Variants in GLT1D1 observed in about 807,000 individuals in gnomAD.
The protein encoded by GLT1D1 is glycosyltransferase 1 domain containing 1.
In GLT1D1, 21 loss-of-function variants were observed where a neutral mutation model predicts 28.7. That is an observed-to-expected ratio of 0.73 (90% CI 0.52 to 1.05). The LOEUF (loss-of-function observed/expected upper bound fraction) is 1.05. GLT1D1 is among the 50% of genes least tolerant of loss of function. GLT1D1 has a pLI of 0.00. For synonymous variants in GLT1D1, 147 were observed against 124.8 expected (o/e 1.18, Z -1.19); for missense variants, 343 against 330.6 (o/e 1.04, Z -0.29).
intron 6 of GLT1D1, among the ~76,000 whole-genome samples, chr12:128,956,606 T>C (rs1351043130): frequency 6.6e-6 from 1 of 152,164 alleles, no homozygotes; most frequent in Non-Finnish European, 1.5e-5. Flanking sequence ...CTTATTACAC[T>C]GGGGGTTACA....
At chr12:128,897,795 A>C (rs1432541669) in intron 3 of GLT1D1, among the ~76,000 whole-genome samples, 21 of 151,910 alleles carry the variant, frequency 1.4e-4, no homozygotes, top group Admixed American at 1.4e-3. Flanking sequence ...CAGCCTCCCG[A>C]GTAGCTGGGA....
chr12:128,945,133 G>A lies in GLT1D1; in HGVS notation c.376-193G>A, dbSNP rs565202025. 64 of 733,466 alleles carry A rather than the reference G, an allele frequency of 8.7e-5. 1 individual carries two copies. In the East Asian group the frequency reaches 1.2e-3, roughly 13 times the overall value. 45.4% of individuals were successfully genotyped at this position (733,466 alleles called of 1,614,324 possible). On this transcript the variant is annotated intron_variant, in intron 4 of 7. Coordinates refer to ENST00000281703, the MANE Select transcript of GLT1D1 (RefSeq NM_144669.3). ...TAGCTCGAAGTATTGAGTGATACGC[G>A]ACGACACAGTGCCCTTGCCCGAGCC...
In GLT1D1 at chr12:128,915,135, G is replaced by A. The variant is rs138579007; in HGVS notation, c.375+15848G>A. 440 of 638,084 alleles carry A rather than the reference G, an allele frequency of 6.9e-4. 1 individual carries two copies. Among genetic ancestry groups the A allele is most frequent in the African/African-American group, 5.8e-3 (319 of 54,658 alleles). 39.5% of individuals were successfully genotyped at this position (638,084 alleles called of 1,614,324 possible). On this transcript the variant is annotated intron_variant, in intron 4 of 7. Coordinates refer to ENST00000281703, the MANE Select transcript of GLT1D1 (RefSeq NM_144669.3). ...CCCTCTGTCTGCGGCTTCATGAGTAGTTTTATCCTTTTGAGGAACAGCAGG... is the reference window on the plus strand; with the variant it reads ...CCCTCTGTCTGCGGCTTCATGAGTAATTTTATCCTTTTGAGGAACAGCAGG...
chr12:128,973,633 C>G (rs1206725757), intron 7 of GLT1D1, among the ~76,000 whole-genome samples: 3 of 152,048 alleles, frequency 2.0e-5, no homozygotes, highest in Non-Finnish European at 2.9e-5. Context: ...AGGAAGGTCT[C>G]CCGGTCCCCC....
intron 7 of GLT1D1, among the ~76,000 whole-genome samples, chr12:128,963,881 C>G (rs780055068): frequency 6.6e-6 from 1 of 152,202 alleles, no homozygotes; most frequent in Non-Finnish European, 1.5e-5. Context: ...GGTAGCATGC[C>G]CTCTGCATCA....
At chr12:128,903,018 T>C (rs951199458) in intron 4 of GLT1D1, among the ~76,000 whole-genome samples, 3 of 142,710 alleles carry the variant, frequency 2.1e-5, no homozygotes, top group African/African-American at 7.9e-5. Flanking sequence ...CAAGACTCCG[T>C]CTCAAAAAAA....
intron 4 of GLT1D1, among the ~76,000 whole-genome samples, chr12:128,900,801 A>G (rs1238978448): frequency 2.0e-5 from 3 of 151,966 alleles, no homozygotes; most frequent in African/African-American, 4.8e-5. Flanking sequence ...ACACCCGGCT[A>G]ATTTTTGTAT....
At position 128,873,784 on chromosome 12, in the gene GLT1D1, T is replaced by C. The variant is rs182588253; in HGVS notation, c.69-2130T>C. Among the ~76,000 whole-genome samples the C allele has an allele frequency of 2.7e-3, 407 of 152,236 alleles. 1 individual carries two copies. Among genetic ancestry groups the C allele is most frequent in the Middle Eastern group, 3.4e-3 (1 of 292 alleles). On this transcript the variant is annotated intron_variant, in intron 1 of 7. Coordinates refer to ENST00000281703, the MANE Select transcript of GLT1D1 (RefSeq NM_144669.3). ...GTATTTCTTTTTCTATGGACTGCAA[T>C]TTTGTGCCCATCTTTATTTTTCTTT...
At chr12:128,877,734 A>C (rs917244361) in intron 2 of GLT1D1, among the ~76,000 whole-genome samples, 1 of 152,218 alleles carries the variant, frequency 6.6e-6, no homozygotes, top group African/African-American at 2.4e-5. Flanking sequence ...ATCTATTATT[A>C]CATAACAAAT....
intron 1 of GLT1D1, among the ~76,000 whole-genome samples, chr12:128,872,343 A>G (rs1956713002): frequency 6.6e-6 from 1 of 152,194 alleles, no homozygotes; most frequent in Non-Finnish European, 1.5e-5. Context: ...CTATAAATGC[A>G]GTGCAGAGGG....
rs115586534 is a variant in GLT1D1, at chr12:128,856,649, C to G, written c.68+3000C>G. ...CAGAAAGGCAGCCAGGGTCACTGGA[C>G]TATAGAGAGTTTGGGGCCAGTGCTA... On this transcript the variant is annotated intron_variant, in intron 1 of 7. Coordinates refer to ENST00000281703, the MANE Select transcript of GLT1D1 (RefSeq NM_144669.3). Among the ~76,000 whole-genome samples the G allele has an allele frequency of 7.6e-3, 1,149 of 152,172 alleles. 12 individuals carry two copies. Among genetic ancestry groups the G allele is most frequent in the African/African-American group, 0.026 (1,078 of 41,516 alleles).
At chr12:128,962,027 C>T (rs76001920) in intron 7 of GLT1D1, among the ~76,000 whole-genome samples, 65 of 152,168 alleles carry the variant, frequency 4.3e-4, no homozygotes, top group Admixed American at 1.0e-3. Flanking sequence ...CCCTGTCCCC[C>T]TCCACCCTTC....
intron 4 of GLT1D1, among the ~76,000 whole-genome samples, chr12:128,909,772 T>G (rs1871337311): frequency 1.3e-5 from 2 of 152,246 alleles, no homozygotes; most frequent in South Asian, 4.1e-4. Context: ...TATAGGTATC[T>G]ATCCAATAGG....
At chr12:128,926,372 T>C in intron 4 of GLT1D1, 1 of 1,519,656 alleles carries the variant, frequency 6.6e-7, no homozygotes, top group Non-Finnish European at 8.8e-7. Context: ...TTAACCAAAG[T>C]GCTGATAATT....
chr12:128,853,755 C>G (rs1956132363), intron 1 of GLT1D1, 106 bp downstream of exon 1: 5 of 741,820 alleles, frequency 6.7e-6, no homozygotes, highest in Non-Finnish European at 8.4e-6. Context: ...TCCAGCCGCG[C>G]CGGGGCCGTC....
At chr12:128,864,153 T>A in intron 1 of GLT1D1, 1 of 686,854 alleles carries the variant, frequency 1.5e-6, no homozygotes, top group East Asian at 2.8e-5. Flanking sequence ...ACATGCTGAC[T>A]GCGAGGTGCC....
intron 4 of GLT1D1, chr12:128,944,470 C>A (rs114184347): frequency 1.5e-6 from 2 of 1,319,374 alleles, no homozygotes; most frequent in South Asian, 2.4e-5. Context: ...ATCATCCTCA[C>A]GCTGAATGAG....
At chr12:128,970,949 T>A (rs1878977240) in intron 7 of GLT1D1, among the ~76,000 whole-genome samples, 2 of 152,346 alleles carry the variant, frequency 1.3e-5, no homozygotes, top group Admixed American at 1.3e-4. Flanking sequence ...CTGGAAGGGA[T>A]GATTATGCCC....
At chr12:128,925,854 C>T (rs1359314285) in intron 4 of GLT1D1, among the ~76,000 whole-genome samples, 1 of 152,002 alleles carries the variant, frequency 6.6e-6, no homozygotes, top group Non-Finnish European at 1.5e-5. Context: ...TCCATTTTTT[C>T]CCACCAGAAA....
Sources: gnomAD v4.1 joint callset for allele counts (sites outside exome capture counted in the v4.1 genomes callset) on GRCh38, gnomAD v4.1.1 for gene constraint, MANE v1.5 for transcripts, NCBI Gene and HGNC (gene_info 2026-07-23, HGNC 2026-07-21) for gene names.